CLNK: variants seen among roughly 807,000 people sequenced by gnomAD.
CLNK encodes cytokine-dependent hematopoietic cell linker.
CLNK carries 74 observed loss-of-function variants against 68.6 expected under a neutral mutation model. The ratio of observed to expected loss-of-function variants is 1.08; its 90% confidence interval spans 0.89 to 1.31. The LOEUF is 1.31. CLNK is among the 50% of genes most tolerant of loss of function. The probability of loss-of-function intolerance (pLI) is 0.00; values close to 1 mark genes in which losing one functional copy is unlikely to be tolerated. For synonymous variants in CLNK, 198 were observed against 172.2 expected, an observed-to-expected ratio of 1.15 and a Z score of -1.17; for missense variants, 553 against 515.3, an observed-to-expected ratio of 1.07 and a Z score of -0.71.
chr4:10,632,189 C>T (rs1722918847), intron 2 of CLNK, among the ~76,000 whole-genome samples: 1 of 152,212 alleles, frequency 6.6e-6, no homozygotes, highest in Admixed American at 6.5e-5. Flanking sequence ...TTGTACAGTA[C>T]GAGTGTCCAG....
the CLNK span, among the ~76,000 whole-genome samples, chr4:10,734,243 C>T: frequency 6.6e-6 from 1 of 152,346 alleles, no homozygotes; most frequent in South Asian, 2.1e-4. Flanking sequence ...GGCTTCCTGA[C>T]ACCAAACCTG....
At chr4:10,605,454 G>A (rs1369265778) in intron 2 of CLNK, among the ~76,000 whole-genome samples, 2 of 152,098 alleles carry the variant, frequency 1.3e-5, no homozygotes, top group Non-Finnish European at 2.9e-5. Flanking sequence ...GTAGGCAATT[G>A]TAACACAATG....
the CLNK span, among the ~76,000 whole-genome samples, chr4:10,699,243 T>C: frequency 0.08 from 4,329 of 54,148 alleles, 351 homozygotes; most frequent in East Asian, 0.16. Flanking sequence ...TACACACACA[T>C]ACACACCACG....
chr4:10,713,815 A>C, the CLNK span, among the ~76,000 whole-genome samples: 1 of 152,186 alleles, frequency 6.6e-6, no homozygotes, highest in Non-Finnish European at 1.5e-5. Context: ...AGATGCCAGC[A>C]CCATGCTTCT....
intron 2 of CLNK, among the ~76,000 whole-genome samples, chr4:10,628,635 T>C (rs1722769112): frequency 6.6e-6 from 1 of 152,158 alleles, no homozygotes; most frequent in East Asian, 1.9e-4. Context: ...CTGTGCACAG[T>C]AGCCTCTGCT....
intron 8 of CLNK, among the ~76,000 whole-genome samples, chr4:10,557,474 T>C (rs2108817936): frequency 6.6e-6 from 1 of 152,310 alleles, no homozygotes; most frequent in African/African-American, 2.4e-5. Context: ...CCGGGACCAG[T>C]GATCACTGCT....
chr4:10,511,087 G>A (rs1717561925), intron 16 of CLNK, among the ~76,000 whole-genome samples: 1 of 152,148 alleles, frequency 6.6e-6, no homozygotes, highest in Non-Finnish European at 1.5e-5. Context: ...CGGGAGGTGG[G>A]GCGGGGGTTG....
intron 8 of CLNK, among the ~76,000 whole-genome samples, chr4:10,556,425 T>G (rs1719674794): frequency 1.3e-5 from 2 of 152,218 alleles, no homozygotes; most frequent in Admixed American, 1.3e-4. Context: ...AACTAATATC[T>G]TTGTGAACTG....
chr4:10,596,386 A>G (rs987148593), intron 3 of CLNK, among the ~76,000 whole-genome samples: 1 of 152,218 alleles, frequency 6.6e-6, no homozygotes, highest in African/African-American at 2.4e-5. Flanking sequence ...GTCTGGGGCC[A>G]CACGGCTAAT....
chr4:10,530,561 C>T (rs1464470362), intron 12 of CLNK, among the ~76,000 whole-genome samples: 3 of 152,166 alleles, frequency 2.0e-5, no homozygotes, highest in Non-Finnish European at 2.9e-5. Flanking sequence ...TAGCAGAATG[C>T]CAACTAAAGT....
intron 4 of CLNK, among the ~76,000 whole-genome samples, chr4:10,573,062 C>T (rs189547491): frequency 1.3e-5 from 2 of 152,290 alleles, no homozygotes; most frequent in Non-Finnish European, 2.9e-5. Context: ...CTCCTGACCT[C>T]AAATGATCCG....
chr4:10,598,781 T>C (rs1313157657), intron 2 of CLNK: 1 of 361,868 alleles, frequency 2.8e-6, no homozygotes, highest in African/African-American at 2.1e-5. Flanking sequence ...GGCATTTCAT[T>C]AGCTCTATCA....
chr4:10,526,714 A>C (rs759722051), intron 13 of CLNK, among the ~76,000 whole-genome samples: 1 of 152,030 alleles, frequency 6.6e-6, no homozygotes. Flanking sequence ...CAGTTTCTCA[A>C]TTTTTTCCCC....
chr4:10,684,233 A>C (rs1725187597), intron 1 of CLNK, among the ~76,000 whole-genome samples: 1 of 152,212 alleles, frequency 6.6e-6, no homozygotes, highest in African/African-American at 2.4e-5. Flanking sequence ...TTACTTTAGA[A>C]AATGTTAAAA....
the CLNK span, among the ~76,000 whole-genome samples, chr4:10,723,745 C>T: frequency 1.3e-5 from 2 of 152,044 alleles, no homozygotes; most frequent in South Asian, 4.2e-4. Flanking sequence ...TAGTAGATAA[C>T]ACAGGTTTGT....
chr4:10,526,786 A>G (rs543670508), intron 13 of CLNK, among the ~76,000 whole-genome samples: 1 of 152,238 alleles, frequency 6.6e-6, no homozygotes, highest in Non-Finnish European at 1.5e-5. Flanking sequence ...TTTAGTAATT[A>G]CATATGCAAT....
chr4:10,601,314 G>T (rs1721584073), intron 2 of CLNK, among the ~76,000 whole-genome samples: 2 of 152,208 alleles, frequency 1.3e-5, no homozygotes, highest in South Asian at 4.1e-4. Context: ...CAGGTGGGGA[G>T]AATGGAGAAT....
chr4:10,660,481 T>C (rs910564170), intron 2 of CLNK, among the ~76,000 whole-genome samples: 1 of 152,252 alleles, frequency 6.6e-6, no homozygotes, highest in Non-Finnish European at 1.5e-5. Flanking sequence ...TCTTTATGTA[T>C]ATATTTTTGT....
chr4:10,571,326 C>CTTTTTT (rs60429766), intron 5 of CLNK, among the ~76,000 whole-genome samples: 6 of 64,592 alleles, frequency 9.3e-5, no homozygotes, highest in African/African-American at 2.5e-4. Context: ...GTTGCTGTTG[C>CTTTTTT]TTTTTTTTTT....
Sources: gnomAD v4.1 joint callset for allele counts (sites outside exome capture counted in the v4.1 genomes callset) on GRCh38, gnomAD v4.1.1 for gene constraint, MANE v1.5 for transcripts, NCBI Gene and HGNC (gene_info 2026-07-23, HGNC 2026-07-21) for gene names.